The following MPHOSPH6 variants were observed in gnomAD, a reference collection of about 807,000 sequenced individuals.
The protein encoded by MPHOSPH6 is M-phase phosphoprotein 6.
A neutral mutation model predicts 21.8 loss-of-function variants in MPHOSPH6; 25 were observed. That is an observed-to-expected ratio of 1.15 (90% CI 0.83 to 1.60). The LOEUF is 1.60. Ranked by LOEUF, MPHOSPH6 falls within the 40% of genes most tolerant of loss-of-function variation. The pLI, the probability that MPHOSPH6 is intolerant of heterozygous loss-of-function variation, is 0.00. For missense variants in MPHOSPH6, 269 were observed against 181.8 expected (o/e 1.48, Z -2.76); for synonymous variants, 84 against 56.5 (o/e 1.49, Z -2.18).
Position 82,170,206 on chromosome 16 carries a change from C to A in MPHOSPH6, c.-31G>T, listed in dbSNP as rs1280239831. On this transcript the variant is annotated 5_prime_UTR_variant, in exon 1 of 5. Transcript: ENST00000258169. Reference sequence around the variant, plus strand: ...CTTCCGCCCAGCGCCGCACTCCGGCCGCGAGCCTCACCGCACATGCGCGGA... The same window carrying A: ...CTTCCGCCCAGCGCCGCACTCCGGCAGCGAGCCTCACCGCACATGCGCGGA... 6.4e-7 allele frequency: 1 copy of A among 1,555,482 alleles called. No homozygotes were observed. Among genetic ancestry groups the A allele is most frequent in the Non-Finnish European group, 8.7e-7 (1 of 1,154,620 alleles).
intron 3 of MPHOSPH6, among the ~76,000 whole-genome samples, chr16:82,149,812 G>A (rs1906205525): frequency 6.6e-6 from 1 of 152,066 alleles, no homozygotes; most frequent in Non-Finnish European, 1.5e-5. Flanking sequence ...AATTTTAAAT[G>A]CATCTCTTGG....
intron 1 of MPHOSPH6, among the ~76,000 whole-genome samples, chr16:82,169,774 T>A (rs1567617887): frequency 6.6e-6 from 1 of 152,204 alleles, no homozygotes. Context: ...ACTTCCCATA[T>A]ATCATATTTA....
rs1418457856 is a variant in MPHOSPH6, at chr16:82,165,114, C to CTTTTTTTTTTTTTTTTTTTTTTTTTT, written c.52-921_52-920insAAAAAAAAAAAAAAAAAAAAAAAAAA. Reference sequence around the variant, plus strand: ...TTTCCCTTATTCAGGTCCGATATTTCTTTTTTATTTTTTTTTTTATTTTTT... The same window carrying CTTTTTTTTTTTTTTTTTTTTTTTTTT: ...TTTCCCTTATTCAGGTCCGATATTTCTTTTTTTTTTTTTTTTTTTTTTTTTTTTTTTTATTTTTTTTTTTATTTTTT... On this transcript the variant is annotated intron_variant, in intron 1 of 4. Coordinates refer to ENST00000258169, the MANE Select transcript of MPHOSPH6 (RefSeq NM_005792.2). Among the ~76,000 whole-genome samples, 11 of 63,940 alleles carry CTTTTTTTTTTTTTTTTTTTTTTTTTT rather than the reference C, an allele frequency of 1.7e-4. 3 individuals are homozygous for CTTTTTTTTTTTTTTTTTTTTTTTTTT. Among genetic ancestry groups the CTTTTTTTTTTTTTTTTTTTTTTTTTT allele is most frequent in the South Asian group, 1.0e-3 (2 of 1,938 alleles). The allele number at this position is 63,940 out of a possible 152,430, so 41.9% of individuals were successfully genotyped here.
chr16:82,154,708 C>T (rs1400759439), intron 2 of MPHOSPH6, among the ~76,000 whole-genome samples: 1 of 151,336 alleles, frequency 6.6e-6, no homozygotes, highest in African/African-American at 2.4e-5. Context: ...CAGTGAAAAA[C>T]TGGATCAGTC....
intron 1 of MPHOSPH6, among the ~76,000 whole-genome samples, chr16:82,168,970 T>G (rs1906881525): frequency 6.6e-6 from 1 of 152,222 alleles, no homozygotes; most frequent in East Asian, 1.9e-4. Context: ...TTATTAGCTG[T>G]GTAACTTTGG....
chr16:82,151,669 G>A (rs577525014), intron 2 of MPHOSPH6, among the ~76,000 whole-genome samples, 155 bp from the exon 3 acceptor site: 1 of 152,338 alleles, frequency 6.6e-6, no homozygotes, highest in Admixed American at 6.5e-5. Flanking sequence ...AATAAAATCT[G>A]ATTAATTTGG....
chr16:82,162,173 C>T (rs757926507), intron 2 of MPHOSPH6: 1 of 152,120 alleles, frequency 6.6e-6, no homozygotes, highest in Non-Finnish European at 1.5e-5. Flanking sequence ...ATCATCATAC[C>T]CAATACACAA....
chr16:82,164,240 G>C, intron 1 of MPHOSPH6, 46 bp from the exon 2 acceptor site: 1 of 1,253,884 alleles, frequency 8.0e-7, no homozygotes, highest in Non-Finnish European at 1.1e-6. Context: ...TCCCATTTTA[G>C]AACTGAGGAA....
intron 2 of MPHOSPH6, among the ~76,000 whole-genome samples, chr16:82,151,793 TA>T (rs1037039247): frequency 1.3e-5 from 2 of 152,234 alleles, no homozygotes; most frequent in Admixed American, 1.3e-4. Context: ...GTATTGACAA[TA>T]AACTTGAATT....
At chr16:82,167,790 G>C (rs1052561213) in intron 1 of MPHOSPH6, among the ~76,000 whole-genome samples, 2 of 152,186 alleles carry the variant, frequency 1.3e-5, no homozygotes, top group African/African-American at 4.8e-5. Flanking sequence ...TGTAAATACA[G>C]ATGAAGTTTC....
At chr16:82,168,627 G>A (rs1906869886) in intron 1 of MPHOSPH6, among the ~76,000 whole-genome samples, 1 of 151,954 alleles carries the variant, frequency 6.6e-6, no homozygotes, top group Non-Finnish European at 1.5e-5. Flanking sequence ...CGTGCCACTA[G>A]GCCTGGCTAA....
At chr16:82,151,353 C>A in intron 3 of MPHOSPH6, 71 bp downstream of exon 3, 7 of 1,581,742 alleles carry the variant, frequency 4.4e-6, no homozygotes, top group Non-Finnish European at 6.0e-6. Context: ...GGAGAAACAC[C>A]TAAGCCCAAT....
chr16:82,165,125 TTTTTTTTA>T lies in MPHOSPH6; in HGVS notation c.52-939_52-932del, dbSNP rs1301093118. On this transcript the variant is annotated intron_variant, in intron 1 of 4. Coordinates refer to ENST00000258169, the MANE Select transcript of MPHOSPH6 (RefSeq NM_005792.2). ...CAGGTCCGATATTTCTTTTTTATTT[TTTTTTTTA>T]TTTTTTTTTTTTGAGACAGAGTCTC... Among the ~76,000 whole-genome samples the T allele has an allele frequency of 1.8e-3, 179 of 97,618 alleles. 19 individuals carry two copies. The highest frequency in any genetic ancestry group is 0.011 in the African/African-American group (154 of 13,648). The allele number at this position is 97,618 out of a possible 152,430, so 64.0% of individuals were successfully genotyped here.
chr16:82,151,385 T>C (rs781351954), intron 3 of MPHOSPH6, 39 bp downstream of exon 3: 7 of 1,598,722 alleles, frequency 4.4e-6, no homozygotes, highest in Non-Finnish European at 6.0e-6. Context: ...AAAAATTCAA[T>C]TGGAAAAATT....
chr16:82,153,573 T>C (rs1333308126), intron 2 of MPHOSPH6, among the ~76,000 whole-genome samples: 2 of 152,202 alleles, frequency 1.3e-5, no homozygotes, highest in African/African-American at 4.8e-5. Flanking sequence ...TTTGGGGTTA[T>C]GGTGGTGGCT....
rs769607732 is a variant in MPHOSPH6, at chr16:82,157,151, A to G, written c.165-5637T>C. The stretch of plus-strand genomic sequence containing the variant: ...GTCATCAGGAAAATGCTAATTAAAA[A>G]CCACAATGAGATGCCACTAGAATAA... On this transcript the variant is annotated intron_variant, in intron 2 of 4. Transcript: ENST00000258169. Among the ~76,000 whole-genome samples, 3 of 152,202 alleles carry G rather than the reference A, an allele frequency of 2.0e-5. No individual in the cohort carries two copies. In the East Asian group the frequency reaches 5.8e-4, roughly 29 times the overall value.
chr16:82,157,394 T>A (rs182640358), intron 2 of MPHOSPH6, among the ~76,000 whole-genome samples: 8 of 152,358 alleles, frequency 5.3e-5, no homozygotes, highest in Admixed American at 5.2e-4. Flanking sequence ...TAAGCACATA[T>A]TGCACAATTC....
At chr16:82,165,229 G>C (rs1906735123) in intron 1 of MPHOSPH6, among the ~76,000 whole-genome samples, 2 of 146,660 alleles carry the variant, frequency 1.4e-5, no homozygotes, top group Non-Finnish European at 3.0e-5. Flanking sequence ...CTAGGTTCAA[G>C]AGGTTCTCCT....
At chr16:82,169,969 T>G (rs929411945) in intron 1 of MPHOSPH6, 156 bp downstream of exon 1, 5 of 873,352 alleles carry the variant, frequency 5.7e-6, no homozygotes, top group South Asian at 5.5e-5. Context: ...CAGTAAACAG[T>G]GCAGAGCAGG....
Sources: allele counts gnomAD v4.1 joint callset (sites outside exome capture counted in the v4.1 genomes callset), GRCh38; gene constraint gnomAD v4.1.1; transcripts MANE v1.5; gene names NCBI Gene and HGNC (gene_info 2026-07-23, HGNC 2026-07-21).